The following KIF21A variants were observed in gnomAD, a reference collection of about 807,000 sequenced individuals.
The protein encoded by KIF21A is kinesin-like protein KIF21A.
Under a neutral mutation model 202.9 loss-of-function variants are expected in KIF21A, and 114 were observed. That is an observed-to-expected ratio of 0.56 (90% CI 0.48 to 0.66). The LOEUF (loss-of-function observed/expected upper bound fraction) is 0.66. Among genes scored for constraint, KIF21A ranks in the 30% least tolerant of loss-of-function variants. The pLI, the probability that KIF21A is intolerant of heterozygous loss-of-function variation, is 0.00. For synonymous variants in KIF21A, 667 were observed against 670.8 expected (o/e 0.99, Z 0.09); for missense variants, 1,677 against 1,994.9 (o/e 0.84, Z 3.04).
At chr12:39,419,951 C>A (rs1456164567) in intron 1 of KIF21A, among the ~76,000 whole-genome samples, 3 of 151,936 alleles carry the variant, frequency 2.0e-5, no homozygotes, top group African/African-American at 7.3e-5. Flanking sequence ...CTCAGAGTGT[C>A]CACCCGGAGA....
intron 1 of KIF21A, among the ~76,000 whole-genome samples, chr12:39,405,317 A>C (rs1592582089): frequency 6.6e-6 from 1 of 152,048 alleles, no homozygotes; most frequent in Admixed American, 6.6e-5. Flanking sequence ...GTGCCATTAC[A>C]CTCCAGCCTG....
chr12:39,436,448 A>ATATATATATATATATAT (rs1387332677), intron 1 of KIF21A, among the ~76,000 whole-genome samples: 11 of 95,766 alleles, frequency 1.1e-4, no homozygotes, highest in African/African-American at 5.6e-4. Flanking sequence ...ATATATATAT[A>ATATATATATATATATAT]TTTTTTTTTT....
chr12:39,393,083 G>A (rs1951489848), intron 1 of KIF21A, among the ~76,000 whole-genome samples: 1 of 150,972 alleles, frequency 6.6e-6, no homozygotes, highest in Non-Finnish European at 1.5e-5. Flanking sequence ...GCTGTGTAGG[G>A]AACCCAGTTT....
rs1337999438 is a variant in KIF21A, at chr12:39,442,890, C to T, written c.44+37G>A. ...CCAGGTCCTTGCCGCGCCCTCAACC[C>T]GCCGCCCGCCGCCCGCCGCCGGCAG... is the stretch of plus-strand genomic sequence containing the variant. On this transcript the variant is annotated intron_variant, in intron 1 of 37. Coordinates refer to ENST00000361418, the MANE Select transcript of KIF21A (RefSeq NM_001173464.2). This position sits in a 1 kb window ranked among gnomAD's most constrained non-coding sequence, Gnocchi z 5.0. 2 of 1,522,510 alleles carry T rather than the reference C, an allele frequency of 1.3e-6. No homozygotes were observed. The highest frequency in any genetic ancestry group is 2.2e-4 in the Middle Eastern group (1 of 4,636). 94.3% of individuals were successfully genotyped at this position (1,522,510 alleles called of 1,614,324 possible). A position where few individuals can be genotyped will look rare whatever the true frequency, so the allele number is the denominator to read the frequency against.
At chr12:39,400,518 T>A (rs763121446) in intron 1 of KIF21A, among the ~76,000 whole-genome samples, 37 of 152,158 alleles carry the variant, frequency 2.4e-4, no homozygotes, top group Non-Finnish European at 8.8e-5. Flanking sequence ...AACTCTCACT[T>A]ATGAGTGAGA....
chr12:39,355,142 A>C (rs1418592035), intron 10 of KIF21A, among the ~76,000 whole-genome samples: 1 of 152,220 alleles, frequency 6.6e-6, no homozygotes, highest in East Asian at 1.9e-4. Context: ...CTACACCAGG[A>C]AAGATATGAT....
intron 10 of KIF21A, among the ~76,000 whole-genome samples, chr12:39,353,631 A>G (rs1948561691): frequency 6.6e-6 from 1 of 152,138 alleles, no homozygotes; most frequent in Non-Finnish European, 1.5e-5. Flanking sequence ...AACCATAATG[A>G]TCTATATTTT....
intron 1 of KIF21A, among the ~76,000 whole-genome samples, chr12:39,387,893 C>T (rs530014330): frequency 6.6e-6 from 1 of 152,254 alleles, no homozygotes. Flanking sequence ...AATGCATATT[C>T]TTTTTCCTCC....
At chr12:39,306,815 G>A (rs1943520218) in intron 34 of KIF21A, among the ~76,000 whole-genome samples, 1 of 152,164 alleles carries the variant, frequency 6.6e-6, no homozygotes. Context: ...GAGCCCAGGA[G>A]TTCAAGACCA....
intron 1 of KIF21A, among the ~76,000 whole-genome samples, chr12:39,403,721 T>C (rs1210788706): frequency 6.6e-6 from 1 of 152,208 alleles, no homozygotes; most frequent in African/African-American, 2.4e-5. Context: ...AAACATGTTA[T>C]TATAATCTAA....
chr12:39,397,429 C>G (rs1418114186), intron 1 of KIF21A, among the ~76,000 whole-genome samples: 1 of 151,770 alleles, frequency 6.6e-6, no homozygotes, highest in Non-Finnish European at 1.5e-5. Context: ...TAGCCCCCAT[C>G]CAAACCACCC....
At position 39,345,497 on chromosome 12, in the gene KIF21A, A is replaced by G. The variant is rs142761012; in HGVS notation, c.1712+969T>C. On this transcript the variant is annotated intron_variant, in intron 12 of 37. Coordinates refer to ENST00000361418, the MANE Select transcript of KIF21A (RefSeq NM_001173464.2). ...TAGAATACTATATAACATACTAAAT[A>G]TAATTATAAAATAAAAATTATAAGG... Among the ~76,000 whole-genome samples the G allele has an allele frequency of 9.9e-5, 15 of 151,720 alleles. No homozygotes were observed. In the East Asian group the frequency reaches 2.1e-3, roughly 21 times the overall value.
At chr12:39,351,511 A>G (rs1053084175) in intron 11 of KIF21A, among the ~76,000 whole-genome samples, 10 of 152,080 alleles carry the variant, frequency 6.6e-5, no homozygotes, top group African/African-American at 2.4e-4. Context: ...CTATTTGAAG[A>G]AATAATAAAA....
At chr12:39,401,060 T>C (rs1046592021) in intron 1 of KIF21A, among the ~76,000 whole-genome samples, 1 of 152,164 alleles carries the variant, frequency 6.6e-6, no homozygotes. Context: ...CGCTTGACAC[T>C]TGTAAGACAC....
chr12:39,325,957 C>T (rs1945858854), intron 25 of KIF21A, 64 bp from the exon 26 acceptor site: 6 of 1,281,260 alleles, frequency 4.7e-6, no homozygotes, highest in Non-Finnish European at 6.7e-6. Flanking sequence ...AACTATAGCT[C>T]CTCTATATCA....
rs533849049 is a variant in KIF21A, at chr12:39,330,819, G to A, written c.3246C>T (p.Leu1082=). 72 of 1,613,934 alleles carry A rather than the reference G, an allele frequency of 4.5e-5. No homozygotes were observed. In the East Asian group the frequency reaches 1.4e-3, roughly 32 times the overall value. ...TEITSATQNQ[L]LFHMLKEKAE... The stretch of plus-strand genomic sequence containing the variant: ...CCTTCTCTTTCAACATATGGAATAA[G>A]AGCTGGTTTTGGGTAGCACTGGTTA... The change falls in exon 23 of 38, where the codon CTC becomes CTT. Residue 1082 remains leucine (L), a synonymous_variant. Transcript: ENST00000361418.
intron 31 of KIF21A, chr12:39,311,984 T>A (rs1412628115): frequency 6.4e-6 from 1 of 155,454 alleles, no homozygotes; most frequent in African/African-American, 2.4e-5. Flanking sequence ...ATATGCCACC[T>A]AAAATACTAA....
intron 11 of KIF21A, among the ~76,000 whole-genome samples, chr12:39,351,572 C>T (rs1011622517): frequency 5.3e-5 from 8 of 151,786 alleles, no homozygotes; most frequent in Admixed American, 5.3e-4. Context: ...AAATTCATTA[C>T]CATGTTATTA....
chr12:39,388,990 T>C (rs746730917), intron 1 of KIF21A, among the ~76,000 whole-genome samples: 2 of 152,218 alleles, frequency 1.3e-5, no homozygotes, highest in African/African-American at 2.4e-5. Context: ...CCAATTTTAA[T>C]GTAACACTTC....
Sources: allele counts gnomAD v4.1 joint callset (sites outside exome capture counted in the v4.1 genomes callset), GRCh38; gene constraint gnomAD v4.1.1; non-coding constraint Gnocchi (gnomAD v3.1); transcripts MANE v1.5; gene names NCBI Gene and HGNC (gene_info 2026-07-23, HGNC 2026-07-21).